The following PACRG variants were observed in gnomAD, a reference collection of about 807,000 sequenced individuals.
PACRG encodes the protein parkin coregulated gene protein.
Under a neutral mutation model 29.7 loss-of-function variants are expected in PACRG, and 29 were observed. The observed-to-expected ratio is 0.98, with a 90% confidence interval of 0.73 to 1.33. The LOEUF (loss-of-function observed/expected upper bound fraction) is 1.33. PACRG is among the 40% of genes most tolerant of loss of function. The pLI is 0.00. For missense variants in PACRG, 279 were observed against 316.2 expected (o/e 0.88, Z 0.89); for synonymous variants, 116 against 118.7 (o/e 0.98, Z 0.15).
chr6:162,881,127 C>T (rs187684770), intron 2 of PACRG, among the ~76,000 whole-genome samples: 1 of 152,330 alleles, frequency 6.6e-6, no homozygotes, highest in East Asian at 1.9e-4. Flanking sequence ...ACAGGCTCAG[C>T]CAGCCTCAGT....
chr6:163,010,919 GT>G (rs1805551846), intron 2 of PACRG, among the ~76,000 whole-genome samples: 1 of 152,222 alleles, frequency 6.6e-6, no homozygotes, highest in Non-Finnish European at 1.5e-5. Flanking sequence ...GCACTGCAGG[GT>G]TGCTGAGCCG....
chr6:162,854,912 G>A (rs1009856033), intron 2 of PACRG, among the ~76,000 whole-genome samples: 8 of 152,228 alleles, frequency 5.3e-5, no homozygotes, highest in African/African-American at 1.9e-4. Context: ...TCCGAAAAGC[G>A]TTTCTTCCGC....
At position 163,117,587 on chromosome 6, in the gene PACRG, A is replaced by T. The variant is rs188484739; in HGVS notation, c.613+28179A>T. Among the ~76,000 whole-genome samples the T allele has an allele frequency of 1.3e-4, 20 of 152,212 alleles. No individual in the cohort carries two copies. The East Asian group carries it at 3.7e-3, about 28-fold the overall frequency. ...GCCAACATGGTGAAACCCCATCTCT[A>T]CTAAAAATACAAAATGAGCTGGGCT... is the stretch of plus-strand genomic sequence containing the variant. On this transcript the variant is annotated intron_variant, in intron 4 of 4. Transcript: ENST00000366888.
intron 1 of PACRG, among the ~76,000 whole-genome samples, chr6:162,807,578 T>G (rs1456994628): frequency 6.6e-6 from 1 of 152,134 alleles, no homozygotes; most frequent in South Asian, 2.1e-4. Context: ...AACACAAACA[T>G]TTATGGATTA....
chr6:162,976,411 TTAAC>T (rs1801963326), intron 2 of PACRG, among the ~76,000 whole-genome samples: 1 of 152,242 alleles, frequency 6.6e-6, no homozygotes, highest in African/African-American at 2.4e-5. Context: ...ATAGAAATCT[TTAAC>T]TAACAGGACT....
intron 2 of PACRG, among the ~76,000 whole-genome samples, chr6:162,933,060 T>A (rs1295504497): frequency 6.6e-6 from 1 of 152,054 alleles, no homozygotes; most frequent in Non-Finnish European, 1.5e-5. Context: ...ATGTTTAGTG[T>A]TTTTATTTTC....
At chr6:163,270,164 A>T (rs1034955848) in intron 4 of PACRG, among the ~76,000 whole-genome samples, 2 of 152,134 alleles carry the variant, frequency 1.3e-5, no homozygotes, top group Non-Finnish European at 2.9e-5. Flanking sequence ...AAATCCAAGA[A>T]TAATTTTAAA....
chr6:162,963,357 T>C (rs931302150), intron 2 of PACRG, among the ~76,000 whole-genome samples: 20 of 152,116 alleles, frequency 1.3e-4, no homozygotes, highest in African/African-American at 4.6e-4. Context: ...TCTCTTGTTA[T>C]GTGATGTATT....
chr6:162,981,305 A>ATATATATATATATATATATTTT (rs925663285), intron 2 of PACRG, among the ~76,000 whole-genome samples: 9 of 149,132 alleles, frequency 6.0e-5, no homozygotes, highest in Admixed American at 2.7e-4. Context: ...ATATATATAT[A>ATATATATATATATATATATTTT]TTTACAATGG....
intron 2 of PACRG, among the ~76,000 whole-genome samples, chr6:162,961,366 G>T (rs111549393): frequency 1.3e-5 from 2 of 152,228 alleles, no homozygotes; most frequent in African/African-American, 4.8e-5. Context: ...GGGTGTCACA[G>T]CATGACAGCA....
At chr6:162,861,285 G>A (rs1791837661) in intron 2 of PACRG, among the ~76,000 whole-genome samples, 1 of 151,840 alleles carries the variant, frequency 6.6e-6, no homozygotes, top group South Asian at 2.1e-4. Context: ...TAATTCAATT[G>A]GCTGATATAT....
chr6:163,065,364 CCAGTAGGAAAAGACAA>C (rs1290000430), intron 3 of PACRG, among the ~76,000 whole-genome samples: 1 of 152,138 alleles, frequency 6.6e-6, no homozygotes, highest in Non-Finnish European at 1.5e-5. Flanking sequence ...TTTACTCCAT[CCAGTAGGAAAAGACAA>C]ATCCTTCTCA....
At chr6:163,275,541 G>C (rs1336643724) in intron 4 of PACRG, among the ~76,000 whole-genome samples, 1 of 152,058 alleles carries the variant, frequency 6.6e-6, no homozygotes, top group African/African-American at 2.4e-5. Flanking sequence ...TTTATTTGAA[G>C]AACAGTCTTA....
intron 4 of PACRG, among the ~76,000 whole-genome samples, chr6:163,300,878 TGAGTTTAGCAGGGCCACATCCA>T (rs1479248998): frequency 6.6e-6 from 1 of 150,910 alleles, no homozygotes; most frequent in African/African-American, 2.4e-5. Flanking sequence ...CTGCTTCCCA[TGAGTTTAGCAGGGCCACATCCA>T]CTGCTTCCCA....
chr6:163,242,447 G>T (rs745701569), intron 4 of PACRG, among the ~76,000 whole-genome samples: 1 of 152,214 alleles, frequency 6.6e-6, no homozygotes, highest in Non-Finnish European at 1.5e-5. Flanking sequence ...TGGACTGGGA[G>T]ATTGCAATCA....
intron 2 of PACRG, among the ~76,000 whole-genome samples, chr6:162,927,409 G>A (rs754998733): frequency 7.9e-5 from 12 of 151,854 alleles, no homozygotes; most frequent in Non-Finnish European, 1.3e-4. Context: ...ACCCAAATGC[G>A]CATCAATATT....
intron 2 of PACRG, among the ~76,000 whole-genome samples, chr6:162,825,052 T>G (rs1379180236): frequency 6.6e-6 from 1 of 152,168 alleles, no homozygotes; most frequent in African/African-American, 2.4e-5. Context: ...ACACTTTTGT[T>G]TTTCTTGTAT....
intron 2 of PACRG, among the ~76,000 whole-genome samples, chr6:162,947,448 AATC>A (rs1213230523): frequency 6.0e-5 from 2 of 33,166 alleles, no homozygotes; most frequent in Non-Finnish European, 8.7e-5. Context: ...AAATATATAT[AATC>A]ATATATATAA....
At chr6:162,874,988 C>T (rs576137948) in intron 2 of PACRG, among the ~76,000 whole-genome samples, 5 of 152,050 alleles carry the variant, frequency 3.3e-5, no homozygotes, top group Admixed American at 6.6e-5. Context: ...CACATTCATA[C>T]GCCCACATAC....
Sources: gnomAD v4.1 joint callset for allele counts (sites outside exome capture counted in the v4.1 genomes callset) on GRCh38, gnomAD v4.1.1 for gene constraint, MANE v1.5 for transcripts, NCBI Gene and HGNC (gene_info 2026-07-23, HGNC 2026-07-21) for gene names.